Variants in TTI1 observed in about 807,000 individuals in gnomAD.
TTI1 encodes the protein TELO2 interacting protein 1.
Under a neutral mutation model 85.4 loss-of-function variants are expected in TTI1, and 52 were observed. The ratio of observed to expected loss-of-function variants is 0.61; its 90% confidence interval spans 0.49 to 0.77. TTI1 has a LOEUF of 0.77. Among genes scored for constraint, TTI1 ranks in the 30% least tolerant of loss-of-function variants. The pLI is 0.00. For synonymous variants in TTI1, 512 were observed against 503.9 expected (o/e 1.02, Z -0.22); for missense variants, 1,173 against 1,296.0 (o/e 0.91, Z 1.46).
chr20:37,994,730 C>T (rs564908611), intron 7 of TTI1, among the ~76,000 whole-genome samples: 10 of 152,248 alleles, frequency 6.6e-5, no homozygotes, highest in Non-Finnish European at 8.8e-5. Flanking sequence ...AACACTTGAA[C>T]GGAATGTGCT....
chr20:37,983,256 A>C lies in TTI1; in HGVS notation c.*200T>G. ...ACAATGTCACTTGACAACACAAGGT[A>C]TGAAACATAAATAATAGTCAGCTAC... On this transcript the variant is annotated 3_prime_UTR_variant, in exon 8 of 8. Coordinates refer to ENST00000373447, the MANE Select transcript of TTI1 (RefSeq NM_001303457.2). 5.4e-6 allele frequency: 3 copies of C among 559,202 alleles called. No individual in the cohort carries two copies. The highest frequency in any genetic ancestry group is 6.2e-6 in the Non-Finnish European group (2 of 321,420). The allele number at this position is 559,202 out of a possible 1,614,324, so 34.6% of individuals were successfully genotyped here. A position where few individuals can be genotyped will look rare whatever the true frequency, so the allele number is the denominator to read the frequency against.
At chr20:37,984,194 G>A (rs1413525603) in intron 7 of TTI1, among the ~76,000 whole-genome samples, 2 of 152,212 alleles carry the variant, frequency 1.3e-5, no homozygotes, top group African/African-American at 2.4e-5. Flanking sequence ...CATGGCTCCC[G>A]TGTGAGGAGC....
chr20:38,012,445 C>T lies in TTI1; in HGVS notation c.1372G>A (p.Ala458Thr), dbSNP rs772452224. 5 of 1,614,094 alleles carry T rather than the reference C, an allele frequency of 3.1e-6. No individual in the cohort carries two copies. The African/African-American group carries it at 6.7e-5, about 22-fold the overall frequency. ...ERRWNSDDLN[A>T]SPKTSATQPW... is the part of the protein sequence containing the mutation. ...TGTGTGGCTGAGGTCTTTGGAGAAG[C>T]ATTCAGATCATCAGAGTTCCAACGC... The change falls in exon 2 of 8, where the codon GCT becomes ACT. Residue 458 changes from alanine (A) to threonine (T), a missense_variant. By Grantham distance (58) the Ala-to-Thr change is moderately conservative. Coordinates refer to ENST00000373447, the MANE Select transcript of TTI1 (RefSeq NM_001303457.2).
At chr20:38,017,444 G>A (rs998799417) in intron 1 of TTI1, among the ~76,000 whole-genome samples, 13 of 151,940 alleles carry the variant, frequency 8.6e-5, no homozygotes, top group South Asian at 2.1e-4. Flanking sequence ...GTGCGCGCGC[G>A]CCTTTGGTGT....
chr20:38,006,107 T>C, intron 3 of TTI1, 90 bp downstream of exon 3: 1 of 1,471,124 alleles, frequency 6.8e-7, no homozygotes, highest in Non-Finnish European at 9.4e-7. Flanking sequence ...ACTTTTCTTA[T>C]TTCTACCCTT....
intron 2 of TTI1, among the ~76,000 whole-genome samples, chr20:38,007,820 T>G (rs2073524257): frequency 6.6e-6 from 1 of 152,240 alleles, no homozygotes; most frequent in East Asian, 1.9e-4. Context: ...CGGAGGTTCC[T>G]ACACCCAGGG....
chr20:37,989,439 TA>T (rs1568607591), intron 7 of TTI1, among the ~76,000 whole-genome samples: 1 of 152,228 alleles, frequency 6.6e-6, no homozygotes, highest in Non-Finnish European at 1.5e-5. Flanking sequence ...TGTGCATATT[TA>T]AAAGGATATG....
chr20:38,010,497 G>C (rs1226439593), intron 2 of TTI1, among the ~76,000 whole-genome samples: 1 of 120,624 alleles, frequency 8.3e-6, no homozygotes, highest in Non-Finnish European at 1.6e-5. Flanking sequence ...TTGAGACAGA[G>C]TCTCACTCTG....
At chr20:38,028,040 G>A (rs1325661590) in intron 1 of TTI1, among the ~76,000 whole-genome samples, 1 of 152,174 alleles carries the variant, frequency 6.6e-6, no homozygotes, top group Non-Finnish European at 1.5e-5. Flanking sequence ...AGGAGGAGGT[G>A]GGTTGGCAGA....
chr20:37,992,452 T>C (rs2073278288), intron 7 of TTI1, among the ~76,000 whole-genome samples: 1 of 152,130 alleles, frequency 6.6e-6, no homozygotes, highest in South Asian at 2.1e-4. Context: ...AATTTTTATA[T>C]GTTCAGTAGA....
intron 1 of TTI1, among the ~76,000 whole-genome samples, chr20:38,018,604 G>A (rs571138028): frequency 1.3e-5 from 2 of 152,106 alleles, no homozygotes; most frequent in Non-Finnish European, 2.9e-5. Flanking sequence ...CCAATTATTT[G>A]GCCAATACAA....
At chr20:38,027,319 G>A (rs1444551896) in intron 1 of TTI1, among the ~76,000 whole-genome samples, 3 of 152,134 alleles carry the variant, frequency 2.0e-5, no homozygotes, top group African/African-American at 7.2e-5. Context: ...CAAATGTTAT[G>A]TAAACAGTTG....
intron 2 of TTI1, among the ~76,000 whole-genome samples, chr20:38,008,637 T>G (rs1175317558): frequency 6.6e-6 from 1 of 152,220 alleles, no homozygotes; most frequent in Non-Finnish European, 1.5e-5. Flanking sequence ...CACACTATGT[T>G]AATGATAACT....
intron 1 of TTI1, among the ~76,000 whole-genome samples, chr20:38,015,437 T>C (rs905707835): frequency 5.9e-5 from 9 of 152,136 alleles, no homozygotes; most frequent in African/African-American, 2.2e-4. Flanking sequence ...TGACATCCCA[T>C]GTGCACTGGC....
Position 37,983,610 on chromosome 20 carries a change from G to A in TTI1, c.3116C>T (p.Pro1039Leu), listed in dbSNP as rs763111719. The A allele has an allele frequency of 1.9e-6, 3 of 1,545,030 alleles. No individual in the cohort carries two copies. The highest frequency in any genetic ancestry group is 2.6e-6 in the Non-Finnish European group (3 of 1,144,432). The change falls in exon 8 of 8, where the codon CCA becomes CTA. Residue 1039 changes from proline (P) to leucine (L), a missense_variant. Physicochemically the swap from Pro to Leu is moderately conservative, Grantham distance 98. Transcript: ENST00000373447. ...SVFLHLMKVD[P>L]DSTWFLLNEL... ...GTTCAGGAGGAACCAGGTGGAGTCT[G>A]GGTCCACCTTCATCAAGTGGAGGAA... is the stretch of plus-strand genomic sequence containing the variant.
intron 1 of TTI1, among the ~76,000 whole-genome samples, chr20:38,016,384 CTCTT>C (rs1249121573): frequency 1.3e-5 from 2 of 152,228 alleles, no homozygotes; most frequent in Non-Finnish European, 2.9e-5. Flanking sequence ...AGGGCTCTCT[CTCTT>C]ATTTCACTGT....
intron 7 of TTI1, among the ~76,000 whole-genome samples, chr20:37,986,299 G>C (rs563013595): frequency 6.6e-6 from 1 of 152,174 alleles, no homozygotes; most frequent in Admixed American, 6.5e-5. Flanking sequence ...TACACAGCAT[G>C]AAAATGCTGC....
chr20:38,013,828 C>T lies in TTI1; in HGVS notation c.-12G>A. The T allele has an allele frequency of 1.3e-6, 2 of 1,599,364 alleles. No homozygotes were observed. The highest frequency in any genetic ancestry group is 1.1e-5 in the South Asian group (1 of 89,626). Reference sequence around the variant, plus strand: ...TCAAAAACTGCCATTGTGCAGCAGCCTTCCCCTCATTGAGGAAACATCCTG... The same window carrying T: ...TCAAAAACTGCCATTGTGCAGCAGCTTTCCCCTCATTGAGGAAACATCCTG... On this transcript the variant is annotated 5_prime_UTR_variant, in exon 2 of 8. Coordinates refer to ENST00000373447, the MANE Select transcript of TTI1 (RefSeq NM_001303457.2).
rs185608570 is a variant in TTI1 at position 37,990,776 on chromosome 20, G to A, written c.3086+5599C>T. On this transcript the variant is annotated intron_variant, in intron 7 of 7. Transcript: ENST00000373447. ...TGCAGGCGGTGCTGCGACCAGGCTC[G>A]ATCTGTCATCGAGAACATTCTGCTC... 4.7e-4 allele frequency among the ~76,000 whole-genome samples: 71 copies of A among 152,214 alleles called. 2 individuals carry two copies. Among genetic ancestry groups the A allele is most frequent in the African/African-American group, 1.5e-3 (62 of 41,526 alleles).
Sources: allele counts gnomAD v4.1 joint callset (sites outside exome capture counted in the v4.1 genomes callset), GRCh38; gene constraint gnomAD v4.1.1; transcripts MANE v1.5; gene names NCBI Gene and HGNC (gene_info 2026-07-23, HGNC 2026-07-21).